STUM: variants seen among roughly 807,000 people sequenced by gnomAD.
The protein encoded by STUM is protein stum homolog.
A neutral mutation model predicts 15.3 loss-of-function variants in STUM; 8 were observed. That is an observed-to-expected ratio of 0.52 (90% CI 0.31 to 0.94). The LOEUF (loss-of-function observed/expected upper bound fraction) is 0.94. STUM is among the 40% of genes least tolerant of loss of function. The pLI, the probability that STUM is intolerant of heterozygous loss-of-function variation, is 0.05. For missense variants in STUM, 142 were observed against 204.9 expected (o/e 0.69, Z 1.87); for synonymous variants, 78 against 88.7 (o/e 0.88, Z 0.68).
chr1:226,575,230 C>A (rs78248003), intron 1 of STUM, among the ~76,000 whole-genome samples: 391 of 152,338 alleles, frequency 2.6e-3, no homozygotes, highest in East Asian at 0.023. Context: ...CTAGATCAGG[C>A]CTATACAGAA....
At chr1:226,550,899 T>A (rs142521681) in intron 1 of STUM, among the ~76,000 whole-genome samples, 50 of 152,292 alleles carry the variant, frequency 3.3e-4, no homozygotes, top group African/African-American at 1.1e-3. Context: ...CTTTTCCCTT[T>A]GTGAGATCAG....
At chr1:226,577,582 C>T (rs1667838938) in intron 1 of STUM, among the ~76,000 whole-genome samples, 1 of 152,144 alleles carries the variant, frequency 6.6e-6, no homozygotes. Context: ...ATGATGATGG[C>T]TGAAAGTCCT....
At chr1:226,562,777 A>G (rs1282471578) in intron 1 of STUM, among the ~76,000 whole-genome samples, 2 of 152,222 alleles carry the variant, frequency 1.3e-5, no homozygotes, top group Admixed American at 1.3e-4. Flanking sequence ...GTAATCTTGA[A>G]TTACATCCTG....
chr1:226,585,153 A>G (rs549127818), intron 1 of STUM, among the ~76,000 whole-genome samples: 2 of 152,360 alleles, frequency 1.3e-5, no homozygotes, highest in African/African-American at 4.8e-5. Context: ...GACATGGTGA[A>G]CTTAACAATG....
chr1:226,572,772 C>G (rs1258371744), intron 1 of STUM, among the ~76,000 whole-genome samples: 1 of 152,204 alleles, frequency 6.6e-6, no homozygotes, highest in Non-Finnish European at 1.5e-5. Context: ...AGTCAGGGTC[C>G]GCGGTACTAG....
chr1:226,587,010 G>A (rs746714897), intron 1 of STUM, among the ~76,000 whole-genome samples: 23 of 152,174 alleles, frequency 1.5e-4, no homozygotes, highest in Non-Finnish European at 2.8e-4. Context: ...AGGGAACTGA[G>A]AAATTCCATG....
intron 1 of STUM, among the ~76,000 whole-genome samples, chr1:226,574,942 G>T (rs774015510): frequency 1.3e-5 from 2 of 152,234 alleles, no homozygotes; most frequent in African/African-American, 4.8e-5. Flanking sequence ...CAAACCGCAG[G>T]TGTGGACCGC....
chr1:226,572,522 G>A (rs773540017), intron 1 of STUM, among the ~76,000 whole-genome samples: 33 of 152,196 alleles, frequency 2.2e-4, no homozygotes, highest in Non-Finnish European at 3.7e-4. Context: ...ACAGTTTTAC[G>A]ATGAGCAGAC....
chr1:226,582,864 G>A (rs1396555325), intron 1 of STUM, among the ~76,000 whole-genome samples: 1 of 152,194 alleles, frequency 6.6e-6, no homozygotes, highest in Non-Finnish European at 1.5e-5. Context: ...ACAGGCACGG[G>A]CTGTCTCAGT....
chr1:226,602,178 T>C lies in STUM; in HGVS notation c.*138T>C, dbSNP rs895901917. On this transcript the variant is annotated 3_prime_UTR_variant, in exon 4 of 4. Transcript: ENST00000366788. Reference sequence around the variant, plus strand: ...GGAAAGGGGGTATTTTTAAAAATATTATTTATTTTGAAAACGCATCTGCTT... The same window carrying C: ...GGAAAGGGGGTATTTTTAAAAATATCATTTATTTTGAAAACGCATCTGCTT... 1 of 658,416 alleles carries C rather than the reference T, an allele frequency of 1.5e-6. No homozygotes were observed. Among genetic ancestry groups the C allele is most frequent in the African/African-American group, 1.8e-5 (1 of 54,802 alleles). The allele number at this position is 658,416 out of a possible 1,614,324, so 40.8% of individuals were successfully genotyped here.
At chr1:226,562,416 C>T (rs1667557210) in intron 1 of STUM, among the ~76,000 whole-genome samples, 1 of 151,586 alleles carries the variant, frequency 6.6e-6, no homozygotes, top group African/African-American at 2.4e-5. Flanking sequence ...TTGCAGTGAG[C>T]CGAGATTGTG....
At chr1:226,551,443 C>T (rs1457634881) in intron 1 of STUM, among the ~76,000 whole-genome samples, 3 of 152,188 alleles carry the variant, frequency 2.0e-5, no homozygotes, top group African/African-American at 7.2e-5. Flanking sequence ...GCAGTGGAGT[C>T]CCAGGCAACA....
In STUM at chr1:226,603,114, T is replaced by A. The variant is rs1473931192; in HGVS notation, c.*1074T>A. 7 of 152,198 alleles carry A rather than the reference T, an allele frequency of 4.6e-5. No homozygotes were observed. The allele number at this position is 152,198 out of a possible 1,614,324, so 9.4% of individuals were successfully genotyped here. On this transcript the variant is annotated 3_prime_UTR_variant, in exon 4 of 4. Coordinates refer to ENST00000366788, the MANE Select transcript of STUM (RefSeq NM_001003665.4). The stretch of plus-strand genomic sequence containing the variant: ...AGTAACTTAGGGAAAAACTTACCAT[T>A]TGAGAGCTTTTAGGGTTTCAGAATT...
chr1:226,577,966 G>A (rs1421484354), intron 1 of STUM, among the ~76,000 whole-genome samples: 3 of 152,052 alleles, frequency 2.0e-5, no homozygotes, highest in Non-Finnish European at 4.4e-5. Context: ...CTTTGGGGGA[G>A]GTCTGCCCCC....
At chr1:226,601,899 TAGTATAA>T in intron 3 of STUM, 100 bp from the exon 4 acceptor site, 1 of 861,222 alleles carries the variant, frequency 1.2e-6, no homozygotes. Context: ...ATTTACACCT[TAGTATAA>T]ACAATGCCTC....
intron 1 of STUM, among the ~76,000 whole-genome samples, chr1:226,587,902 T>C (rs1041922812): frequency 5.3e-5 from 8 of 152,160 alleles, no homozygotes; most frequent in Non-Finnish European, 4.4e-5. Flanking sequence ...AGTTACTGCA[T>C]TGTGATGGGA....
chr1:226,573,272 C>A (rs904519075), intron 1 of STUM, among the ~76,000 whole-genome samples: 3 of 152,198 alleles, frequency 2.0e-5, no homozygotes, highest in African/African-American at 7.2e-5. Flanking sequence ...GTTAGTAGTA[C>A]CTACTTCACA....
intron 1 of STUM, among the ~76,000 whole-genome samples, chr1:226,564,109 G>C (rs1449844188): frequency 6.6e-6 from 1 of 152,198 alleles, no homozygotes; most frequent in Non-Finnish European, 1.5e-5. Context: ...GAAAACTCAG[G>C]AAAGTCTTGA....
rs193136654 is a variant in STUM at position 226,571,569 on chromosome 1, T to C, written c.202+22463T>C. On this transcript the variant is annotated intron_variant, in intron 1 of 3. Transcript: ENST00000366788. ...GATGCAAATTTTTTTTTTGCAGTTA[T>C]AGTTCATGGATGCCCCAGGGGGTTT... 7.2e-4 allele frequency among the ~76,000 whole-genome samples: 110 copies of C among 152,302 alleles called. 1 individual carries two copies. The highest frequency in any genetic ancestry group is 2.6e-3 in the African/African-American group (106 of 41,562).
Sources: allele counts gnomAD v4.1 joint callset (sites outside exome capture counted in the v4.1 genomes callset), GRCh38; gene constraint gnomAD v4.1.1; transcripts MANE v1.5; gene names NCBI Gene and HGNC (gene_info 2026-07-23, HGNC 2026-07-21).